PCSK5: variants seen among roughly 807,000 people sequenced by gnomAD.
PCSK5 encodes the protein prohormone convertase 5.
A neutral mutation model predicts 233.2 loss-of-function variants in PCSK5; 129 were observed. The observed-to-expected ratio is 0.55, with a 90% CI of 0.48 to 0.64. The LOEUF (loss-of-function observed/expected upper bound fraction) is 0.64, where lower values mean the gene tolerates loss of function less well. Ranked by LOEUF, PCSK5 falls within the 30% of genes least tolerant of loss-of-function variation. The probability of loss-of-function intolerance (pLI) is 0.00; values close to 1 mark genes in which losing one functional copy is unlikely to be tolerated. For missense variants in PCSK5, 2,076 were observed against 2,430.1 expected (o/e 0.85, Z 3.06); for synonymous variants, 825 against 879.2 (o/e 0.94, Z 1.09).
intron 4 of PCSK5, among the ~76,000 whole-genome samples, chr9:76,024,568 C>A (rs890461168): frequency 6.6e-6 from 1 of 152,224 alleles, no homozygotes; most frequent in Non-Finnish European, 1.5e-5. Flanking sequence ...TGTGCCCCAG[C>A]AGAGATGTCT....
intron 21 of PCSK5, among the ~76,000 whole-genome samples, chr9:76,231,820 TGTGA>T (rs1265009405): frequency 2.0e-5 from 3 of 152,164 alleles, no homozygotes; most frequent in African/African-American, 7.2e-5. Context: ...GCCAGATGTG[TGTGA>T]GTGTCTGTTT....
intron 32 of PCSK5, among the ~76,000 whole-genome samples, chr9:76,325,482 A>G (rs1436858297): frequency 6.6e-6 from 1 of 152,170 alleles, no homozygotes; most frequent in African/African-American, 2.4e-5. Context: ...TCTGATGCTT[A>G]GTGTGGGTTG....
intron 5 of PCSK5, among the ~76,000 whole-genome samples, chr9:76,058,995 GA>G (rs1286548708): frequency 6.6e-6 from 1 of 151,166 alleles, no homozygotes; most frequent in Non-Finnish European, 1.5e-5. Flanking sequence ...CCACACAGAC[GA>G]AAAAAAAGAA....
chr9:75,911,444 C>T (rs1822734706), intron 1 of PCSK5, among the ~76,000 whole-genome samples: 1 of 152,166 alleles, frequency 6.6e-6, no homozygotes, highest in East Asian at 1.9e-4. Context: ...AAATATTTTA[C>T]AGTGCCCACA....
rs149830197 is a variant in PCSK5, at chr9:75,986,182, T to C, written c.348T>C (p.Tyr116=). 1,332 of 1,613,982 alleles carry C rather than the reference T, an allele frequency of 8.3e-4. 1 individual carries two copies. The highest frequency in any genetic ancestry group is 1.0e-3 in the Non-Finnish European group (1,201 of 1,179,808). The part of the protein sequence containing the change: ...QVVKKRTKRD[Y]DFSRAQSTYF... ...TAAAAAAGCGGACAAAGAGGGATTA[T>C]GACTTCAGTCGTGCCCAGTCTACCT... is the stretch of plus-strand genomic sequence containing the variant. The change falls in exon 3 of 38, where the codon TAT becomes TAC. Residue 116 remains tyrosine, a synonymous_variant. Coordinates refer to ENST00000674117, the MANE Select transcript of PCSK5 (RefSeq NM_001372043.1).
At chr9:75,965,290 T>G (rs201778239) in intron 2 of PCSK5, among the ~76,000 whole-genome samples, 2 of 135,860 alleles carry the variant, frequency 1.5e-5, no homozygotes, top group Non-Finnish European at 3.2e-5. Flanking sequence ...TGTGTGTGTG[T>G]GGAGAGAGAG....
chr9:76,165,804 C>T (rs763228407), intron 12 of PCSK5, among the ~76,000 whole-genome samples: 8 of 152,208 alleles, frequency 5.3e-5, no homozygotes, highest in Non-Finnish European at 1.2e-4. Context: ...TGGCATGTGT[C>T]TGATCTCTTC....
rs369426019 is a variant in PCSK5 at position 76,169,643 on chromosome 9, A to G, written c.1620-61A>G. ...TACAAAAAACAGTGTCGATTGTGGT[A>G]TTAACTAGACCCTCATTGGATTTGA... On this transcript the variant is annotated intron_variant, in intron 12 of 37. Transcript: ENST00000674117. The G allele has an allele frequency of 1.6e-5, 25 of 1,555,152 alleles. 1 individual carries two copies. In the East Asian group the frequency reaches 1.8e-4, roughly 11 times the overall value.
At chr9:76,132,925 A>G (rs1276412733) in intron 9 of PCSK5, among the ~76,000 whole-genome samples, 8 of 152,092 alleles carry the variant, frequency 5.3e-5, no homozygotes, top group African/African-American at 1.9e-4. Context: ...AAAAAAATGT[A>G]GTATAAAGTG....
chr9:76,328,229 C>G lies in PCSK5; in HGVS notation c.4560C>G (p.Ser1520Arg), dbSNP rs376047756. 8 of 1,610,342 alleles carry G rather than the reference C, an allele frequency of 5.0e-6. No individual in the cohort carries two copies. Among genetic ancestry groups the G allele is most frequent in the Non-Finnish European group, 5.9e-6 (7 of 1,177,576 alleles). The change falls in exon 33 of 38, where the codon AGC becomes AGG. Residue 1520 changes from serine to arginine, a missense_variant. Around this residue, in one of 6 missense-constraint regions of PCSK5, gnomAD observed 1,510 missense variants for 1,538.1 expected, o/e 0.98. Coordinates refer to ENST00000674117, the MANE Select transcript of PCSK5 (RefSeq NM_001372043.1). ...EDQCQTCPMN[S>R]LLLNTTCVKD... is the part of the protein sequence containing the mutation. ...AGTGTCAAACATGCCCCATGAACAGCCTTCTTCTCAGTGAGTTACTTCTCC... is the reference window on the plus strand; with the variant it reads ...AGTGTCAAACATGCCCCATGAACAGGCTTCTTCTCAGTGAGTTACTTCTCC...
At chr9:76,274,944 CT>C (rs1396054575) in intron 24 of PCSK5, among the ~76,000 whole-genome samples, 1 of 152,014 alleles carries the variant, frequency 6.6e-6, no homozygotes, top group Non-Finnish European at 1.5e-5. Context: ...GCACCAGGCT[CT>C]TTTGAACAAG....
intron 3 of PCSK5, among the ~76,000 whole-genome samples, chr9:76,015,329 G>C (rs549394720): frequency 6.6e-6 from 1 of 152,112 alleles, no homozygotes. Context: ...CTATCCAAAC[G>C]CTAATCCCTT....
intron 24 of PCSK5, among the ~76,000 whole-genome samples, chr9:76,291,854 G>A (rs1407711347): frequency 1.3e-5 from 2 of 152,076 alleles, no homozygotes; most frequent in African/African-American, 4.8e-5. Context: ...CTCTATTCAG[G>A]GTCAGAAGCT....
At chr9:76,286,039 A>C (rs1406775294) in intron 24 of PCSK5, among the ~76,000 whole-genome samples, 2 of 152,232 alleles carry the variant, frequency 1.3e-5, no homozygotes, top group Non-Finnish European at 2.9e-5. Flanking sequence ...AATCACACTT[A>C]CACCACTACA....
chr9:75,996,709 A>G (rs1587475688), intron 3 of PCSK5, among the ~76,000 whole-genome samples: 1 of 142,878 alleles, frequency 7.0e-6, no homozygotes, highest in African/African-American at 2.5e-5. Context: ...AACTTATTTC[A>G]TACAGGTAAT....
At chr9:75,982,390 A>G (rs1280723823) in intron 2 of PCSK5, among the ~76,000 whole-genome samples, 1 of 152,180 alleles carries the variant, frequency 6.6e-6, no homozygotes, top group Non-Finnish European at 1.5e-5. Flanking sequence ...ATTATCCTCC[A>G]TAGAGTTGTA....
intron 9 of PCSK5, among the ~76,000 whole-genome samples, chr9:76,124,083 G>C (rs550559247): frequency 2.4e-4 from 36 of 152,204 alleles, no homozygotes; most frequent in Non-Finnish European, 4.3e-4. Context: ...AATCAGATGT[G>C]ACTTTGATTA....
intron 18 of PCSK5, 98 bp from the exon 19 acceptor site, chr9:76,188,996 C>T: frequency 9.5e-7 from 1 of 1,050,886 alleles, no homozygotes; most frequent in South Asian, 1.7e-5. Context: ...AATTATTATT[C>T]TTTGACGCCA....
chr9:76,096,206 C>CAT (rs1285094209), intron 8 of PCSK5, 104 bp downstream of exon 8: 1 of 691,980 alleles, frequency 1.4e-6, no homozygotes, highest in Non-Finnish European at 2.5e-6. Flanking sequence ...CACACACACA[C>CAT]ACACACACAG....
Sources: gnomAD v4.1 joint callset for allele counts (sites outside exome capture counted in the v4.1 genomes callset) on GRCh38, gnomAD v4.1.1 for gene constraint, gnomAD v4.1.1 regional missense constraint, MANE v1.5 for transcripts, NCBI Gene and HGNC (gene_info 2026-07-23, HGNC 2026-07-21) for gene names.